SLC2A14: variants seen among roughly 807,000 people sequenced by gnomAD.
SLC2A14 encodes solute carrier family 2, facilitated glucose transporter member 14.
Under a neutral mutation model 43.0 loss-of-function variants are expected in SLC2A14, and 13 were observed. The observed-to-expected ratio is 0.30, with a 90% CI of 0.20 to 0.48. The LOEUF is 0.48. Ranked by LOEUF, SLC2A14 falls within the 20% of genes least tolerant of loss-of-function variation. The pLI, the probability that SLC2A14 is intolerant of heterozygous loss-of-function variation, is 0.99. For synonymous variants in SLC2A14, 190 were observed against 233.8 expected (o/e 0.81, Z 1.71); for missense variants, 428 against 620.4 (o/e 0.69, Z 3.29).
At chr12:7,845,768 G>C (rs1866414769) in intron 2 of SLC2A14, among the ~76,000 whole-genome samples, 1 of 87,998 alleles carries the variant, frequency 1.1e-5, no homozygotes, top group Non-Finnish European at 2.1e-5. Context: ...GACACAGCGA[G>C]ACTCCATCTC....
At chr12:7,882,599 G>A (rs1037140308) in intron 1 of SLC2A14, among the ~76,000 whole-genome samples, 2 of 152,120 alleles carry the variant, frequency 1.3e-5, no homozygotes, top group Non-Finnish European at 2.9e-5. Flanking sequence ...CTGGGAGGCT[G>A]AGGCAGGCAC....
intron 2 of SLC2A14, among the ~76,000 whole-genome samples, chr12:7,834,996 G>A (rs1337002680): frequency 6.6e-6 from 1 of 151,930 alleles, no homozygotes; most frequent in Non-Finnish European, 1.5e-5. Flanking sequence ...CTGGTGATGA[G>A]GCATGAGGGA....
At chr12:7,862,613 G>T (rs1001261460) in intron 2 of SLC2A14, among the ~76,000 whole-genome samples, 2 of 152,152 alleles carry the variant, frequency 1.3e-5, no homozygotes, top group East Asian at 3.8e-4. Flanking sequence ...CTGCAGCACC[G>T]GTGCGTGATC....
Position 7,888,787 on chromosome 12 carries a change from G to C in SLC2A14, c.132+2209C>G, listed in dbSNP as rs1167984387. On this transcript the variant is annotated intron_variant, in intron 1 of 9. Transcript: ENST00000539924. ...CACTCTAGCCTGGGCAACAGAGCAA[G>C]ACTCCGTCTCAAAAAAAAAAAAAAA... 4.0e-5 allele frequency among the ~76,000 whole-genome samples: 4 copies of C among 100,988 alleles called. No homozygotes were observed. In the East Asian group the frequency reaches 8.6e-4, roughly 22 times the overall value. The allele number at this position is 100,988 out of a possible 152,430, so 66.3% of individuals were successfully genotyped here.
At chr12:7,867,458 G>C (rs1346554020) in intron 2 of SLC2A14, among the ~76,000 whole-genome samples, 1 of 152,076 alleles carries the variant, frequency 6.6e-6, no homozygotes, top group Non-Finnish European at 1.5e-5. Flanking sequence ...AAGAGAACTA[G>C]AATTAGAAGT....
intron 1 of SLC2A14, among the ~76,000 whole-genome samples, chr12:7,885,224 C>T (rs1389788258): frequency 3.9e-5 from 6 of 152,002 alleles, no homozygotes; most frequent in African/African-American, 9.7e-5. Flanking sequence ...TACAGCATTT[C>T]GGGAGGCCGA....
chr12:7,821,247 C>G lies in SLC2A14; in HGVS notation c.943G>C (p.Val315Leu). ...GAAAGTAAAGTGAAGATAGTATTAA[C>G]CACACCCGCGCTGATGGTGGCATAG... Reference protein sequence around the residue: ...PIYATISAGVVNTIFTLLSLF... With the variant: ...PIYATISAGVLNTIFTLLSLF... The change falls in exon 8 of 11, where the codon GTT (valine) becomes CTT (leucine). Residue 315 changes from valine to leucine, a missense_variant. Around this residue, in one of 4 missense-constraint regions of SLC2A14, gnomAD observed 185 missense variants for 275.4 expected, o/e 0.67. Transcript: ENST00000431042. 6.2e-7 allele frequency: 1 copy of G among 1,613,954 alleles called. No individual in the cohort carries two copies. The highest frequency in any genetic ancestry group is 8.5e-7 in the Non-Finnish European group (1 of 1,179,924).
Position 7,815,283 on chromosome 12 carries a change from G to C in SLC2A14, c.1276-749C>G, listed in dbSNP as rs544531278. On this transcript the variant is annotated intron_variant, in intron 10 of 10. Transcript: ENST00000431042. Reference sequence around the variant, plus strand: ...AAAAAAAAAATTGCTGGGAGTGGTGGCACGTGCCTGTAATCCTAGCTACTC... The same window carrying C: ...AAAAAAAAAATTGCTGGGAGTGGTGCCACGTGCCTGTAATCCTAGCTACTC... 3.9e-5 allele frequency among the ~76,000 whole-genome samples: 6 copies of C among 152,044 alleles called. No homozygotes were observed. The South Asian group carries it at 1.0e-3, about 26-fold the overall frequency.
At chr12:7,890,526 T>G (rs752558268) in intron 1 of SLC2A14, among the ~76,000 whole-genome samples, 1 of 152,090 alleles carries the variant, frequency 6.6e-6, no homozygotes, top group African/African-American at 2.4e-5. Context: ...TTTTGGTTTA[T>G]TTTGATCAAC....
intron 7 of SLC2A14, among the ~76,000 whole-genome samples, chr12:7,825,318 T>A (rs4012951): frequency 6.7e-6 from 1 of 149,098 alleles, no homozygotes; most frequent in African/African-American, 2.4e-5. Context: ...AAATTAGCTG[T>A]GTGTGGTGTC....
Position 7,821,270 on chromosome 12 carries a change from T to C in SLC2A14, c.920A>G (p.Tyr307Cys), listed in dbSNP as rs149395199. 3 of 1,613,886 alleles carry C rather than the reference T, an allele frequency of 1.9e-6. No individual in the cohort carries two copies. The highest frequency in any genetic ancestry group is 2.7e-5 in the African/African-American group (2 of 74,924). ...FKDAGVQQPI[Y>C]ATISAGVVNT... ...AACCACACCCGCGCTGATGGTGGCA[T>C]AGATGGGCTGTTGAACACCTGCATC... Residue 307 changes from tyrosine (Y) to cysteine (C), a missense_variant, in exon 8 of 11, where the codon TAT becomes TGT. Tyr to Cys is a radical substitution (Grantham distance 194). Coordinates refer to ENST00000431042, the MANE Select transcript of SLC2A14 (RefSeq NM_001286234.2).
chr12:7,856,144 A>G, intron 2 of SLC2A14: 1 of 152,088 alleles, frequency 6.6e-6, no homozygotes, highest in Admixed American at 6.6e-5. Context: ...TGTTTCCTAA[A>G]ACTGGTTTTC....
exon 1 of SLC2A14, chr12:7,891,041 C>G: frequency 1.3e-6 from 2 of 1,535,116 alleles, no homozygotes; most frequent in Non-Finnish European, 1.7e-6. Flanking sequence ...GAGTGGAGGT[C>G]TGAGAAGAAA....
upstream of SLC2A14, among the ~76,000 whole-genome samples, chr12:7,874,835 A>AAATTATATAT (rs1565584801): frequency 1.8e-3 from 158 of 87,168 alleles, 3 homozygotes; most frequent in Non-Finnish European, 3.4e-3. Flanking sequence ...AATTATATAT[A>AAATTATATAT]AATACGTATT....
intron 2 of SLC2A14, among the ~76,000 whole-genome samples, chr12:7,852,771 A>G (rs1004679592): frequency 6.6e-6 from 1 of 152,116 alleles, no homozygotes; most frequent in African/African-American, 2.4e-5. Context: ...ATGCACCTTG[A>G]TTTCAGCAAG....
chr12:7,871,944 G>C, intron 1 of SLC2A14: 1 of 981,102 alleles, frequency 1.0e-6, no homozygotes, highest in Non-Finnish European at 1.2e-6. Flanking sequence ...ATCTCCAATA[G>C]AGGGCTGAGC....
At chr12:7,877,520 A>G (rs958575649), upstream of SLC2A14, among the ~76,000 whole-genome samples, 29 of 151,770 alleles carry the variant, frequency 1.9e-4, no homozygotes, top group African/African-American at 6.5e-4. Flanking sequence ...CCACCTCCCA[A>G]GTTCAAGAGA....
rs117908617 is a variant in SLC2A14 at position 7,838,579 on chromosome 12, T to G, written c.19-5765A>C. Among the ~76,000 whole-genome samples the G allele has an allele frequency of 7.8e-3, 1,185 of 152,270 alleles. 51 individuals are homozygous for G. The highest frequency in any genetic ancestry group is 0.066 in the Admixed American group (1,007 of 15,276). ...TCCCAGGCTCAGTTTGGAAAAAAAT[T>G]TGCCTCAGGATTAATCATACCTCTT... On this transcript the variant is annotated intron_variant, in intron 2 of 10. Coordinates refer to ENST00000431042, the MANE Select transcript of SLC2A14 (RefSeq NM_001286234.2).
chr12:7,862,309 G>A (rs895522742), intron 2 of SLC2A14, among the ~76,000 whole-genome samples: 1 of 150,486 alleles, frequency 6.6e-6, no homozygotes, highest in African/African-American at 2.4e-5. Flanking sequence ...AACTGCATGC[G>A]GTGGCACATG....
Sources: allele counts gnomAD v4.1 joint callset (sites outside exome capture counted in the v4.1 genomes callset), GRCh38; gene constraint gnomAD v4.1.1; regional missense constraint gnomAD v4.1.1; transcripts MANE v1.5; gene names NCBI Gene and HGNC (gene_info 2026-07-23, HGNC 2026-07-21).